ITPK1: variants seen among roughly 807,000 people sequenced by gnomAD.
The protein encoded by ITPK1 is inositol-tetrakisphosphate 1-kinase.
A neutral mutation model predicts 45.3 loss-of-function variants in ITPK1; 21 were observed. The observed-to-expected ratio is 0.46, with a 90% CI of 0.33 to 0.67. The LOEUF (loss-of-function observed/expected upper bound fraction) is 0.67, where lower values mean the gene tolerates loss of function less well. ITPK1 is among the 30% of genes least tolerant of loss of function. ITPK1 has a pLI of 0.02. For synonymous variants in ITPK1, 258 were observed against 253.6 expected (o/e 1.02, Z -0.16); for missense variants, 474 against 573.5 (o/e 0.83, Z 1.77).
chr14:92,965,298 A>G (rs1885285948), intron 5 of ITPK1, among the ~76,000 whole-genome samples: 1 of 152,262 alleles, frequency 6.6e-6, no homozygotes, highest in South Asian at 2.1e-4. Context: ...CAGAAAAAGC[A>G]TTTGAAAAAA....
At chr14:92,991,300 G>A (rs1886777046) in intron 5 of ITPK1, among the ~76,000 whole-genome samples, 1 of 152,112 alleles carries the variant, frequency 6.6e-6, no homozygotes, top group African/African-American at 2.4e-5. Flanking sequence ...ACAGCCACTG[G>A]GGGTCAGGAA....
intron 5 of ITPK1, among the ~76,000 whole-genome samples, chr14:92,991,637 C>T (rs550832748): frequency 3.4e-4 from 51 of 152,238 alleles, no homozygotes; most frequent in Non-Finnish European, 6.5e-4. Flanking sequence ...CAATTCCAAG[C>T]CAGGCGAGCG....
chr14:92,971,520 C>T (rs555456485), intron 5 of ITPK1, among the ~76,000 whole-genome samples: 13 of 152,354 alleles, frequency 8.5e-5, no homozygotes, highest in African/African-American at 2.6e-4. Context: ...CTATTGTCGT[C>T]ATCACCTGGA....
intron 2 of ITPK1, among the ~76,000 whole-genome samples, chr14:93,080,090 T>G (rs939389885): frequency 6.6e-6 from 1 of 152,202 alleles, no homozygotes; most frequent in East Asian, 1.9e-4. Context: ...AAGGCCTCCA[T>G]GCACCCACGA....
In ITPK1 at chr14:93,076,559, T is replaced by C. The variant is rs772345911; in HGVS notation, c.120+36A>G. ...GAGAGGTGGGCACCAAGGGCCCCAC[T>C]ACCCAAAGAACCACGGGGACGCGGT... On this transcript the variant is annotated intron_variant, in intron 3 of 10. Coordinates refer to ENST00000267615, the MANE Select transcript of ITPK1 (RefSeq NM_014216.6). The surrounding 1 kb of genome is among the most constrained non-coding windows in gnomAD (Gnocchi z 4.3). The C allele has an allele frequency of 6.8e-6, 11 of 1,613,362 alleles. No homozygotes were observed. Among genetic ancestry groups the C allele is most frequent in the Non-Finnish European group, 9.3e-6 (11 of 1,179,442 alleles).
chr14:93,089,203 C>T (rs1171265644), intron 2 of ITPK1, among the ~76,000 whole-genome samples: 1 of 152,178 alleles, frequency 6.6e-6, no homozygotes, highest in Non-Finnish European at 1.5e-5. Context: ...AGGAGCAGCC[C>T]CTGAGCAGGC....
intron 3 of ITPK1, among the ~76,000 whole-genome samples, chr14:93,052,528 G>A (rs1327841864): frequency 6.6e-6 from 1 of 152,142 alleles, no homozygotes; most frequent in Admixed American, 6.5e-5. Flanking sequence ...TTACCCTGGG[G>A]GCCTTATCTG....
chr14:93,018,885 T>C (rs1478468650), intron 3 of ITPK1, among the ~76,000 whole-genome samples: 1 of 152,146 alleles, frequency 6.6e-6, no homozygotes, highest in Non-Finnish European at 1.5e-5. Flanking sequence ...CATGTGTCAG[T>C]CTCCATGAGC....
At position 93,034,167 on chromosome 14, in the gene ITPK1, TC is replaced by T. The variant is rs1889202968; in HGVS notation, c.121-17367del. 7.3e-6 allele frequency among the ~76,000 whole-genome samples: 1 copy of T among 137,406 alleles called. No homozygotes were observed. Among genetic ancestry groups the T allele is most frequent in the African/African-American group, 2.8e-5 (1 of 36,164 alleles). The allele number at this position is 137,406 out of a possible 152,430, so 90.1% of individuals were successfully genotyped here. ...CCCGACACCTTCCTCCCAGGTGCCCTCCCCCACATCCTGCCCCCAGCACACT... is the reference window on the plus strand; with the variant it reads ...CCCGACACCTTCCTCCCAGGTGCCCTCCCCACATCCTGCCCCCAGCACACT... On this transcript the variant is annotated intron_variant, in intron 3 of 10. Transcript: ENST00000267615. The surrounding 1 kb of genome is among the most constrained non-coding windows in gnomAD (Gnocchi z 4.1).
chr14:92,977,429 C>T (rs948273543), intron 5 of ITPK1, among the ~76,000 whole-genome samples: 10 of 152,226 alleles, frequency 6.6e-5, no homozygotes, highest in African/African-American at 2.2e-4. Flanking sequence ...GCCTTCTCGT[C>T]CATCTACCTA....
At chr14:92,971,985 C>T (rs1002035815) in intron 5 of ITPK1, among the ~76,000 whole-genome samples, 2 of 152,174 alleles carry the variant, frequency 1.3e-5, no homozygotes, top group African/African-American at 4.8e-5. Context: ...AGCACCGCGA[C>T]CTCTTCCCAG....
rs542191904 is a variant in ITPK1, at chr14:93,003,482, C to G, written c.247-9485G>C. Among the ~76,000 whole-genome samples the G allele has an allele frequency of 5.9e-5, 9 of 152,316 alleles. No homozygotes were observed. In the South Asian group the frequency reaches 1.9e-3, roughly 32 times the overall value. On this transcript the variant is annotated intron_variant, in intron 4 of 10. Transcript: ENST00000267615. ...TAGTCCTGGGAAATCCACACTAGGC[C>G]TAGGTGCAACAGAATGTGCCAGGTG... is the stretch of plus-strand genomic sequence containing the variant.
At chr14:92,943,979 A>T (rs759116112) in intron 10 of ITPK1, among the ~76,000 whole-genome samples, 2 of 152,230 alleles carry the variant, frequency 1.3e-5, no homozygotes, top group Non-Finnish European at 2.9e-5. Context: ...GACTTTGGAC[A>T]AGCCACTCAA....
At chr14:93,020,705 T>G (rs1888421994) in intron 3 of ITPK1, among the ~76,000 whole-genome samples, 1 of 152,182 alleles carries the variant, frequency 6.6e-6, no homozygotes, top group African/African-American at 2.4e-5. Flanking sequence ...ATATAATCTT[T>G]CTGACCCAAT....
In ITPK1 at chr14:92,994,048, C is replaced by T. The variant is rs1032091748; in HGVS notation, c.247-51G>A. 4 of 1,179,242 alleles carry T rather than the reference C, an allele frequency of 3.4e-6. No homozygotes were observed. In the South Asian group the frequency reaches 4.9e-5, roughly 14 times the overall value. The allele number at this position is 1,179,242 out of a possible 1,614,324, so 73.0% of individuals were successfully genotyped here. A position where few individuals can be genotyped will look rare whatever the true frequency, so the allele number is the denominator to read the frequency against. On this transcript the variant is annotated intron_variant, in intron 4 of 10. Coordinates refer to ENST00000267615, the MANE Select transcript of ITPK1 (RefSeq NM_014216.6). The stretch of plus-strand genomic sequence containing the variant: ...TTAGAGCAGGGGTAGGGCCAGGTAG[C>T]AACTCACCCCTCGCGCCCTCTGCAC...
At chr14:93,080,435 C>T (rs770245121) in intron 2 of ITPK1, among the ~76,000 whole-genome samples, 2 of 152,176 alleles carry the variant, frequency 1.3e-5, no homozygotes, top group East Asian at 3.8e-4. Context: ...ACGAAGCAAT[C>T]GATCAATGGA....
chr14:93,009,142 G>A (rs1423360702), intron 4 of ITPK1, among the ~76,000 whole-genome samples: 1 of 152,174 alleles, frequency 6.6e-6, no homozygotes, highest in Non-Finnish European at 1.5e-5. Flanking sequence ...TAAGCACCCT[G>A]TATTGCCTGG....
intron 3 of ITPK1, among the ~76,000 whole-genome samples, chr14:93,042,215 G>A (rs1190664729): frequency 1.3e-5 from 2 of 152,186 alleles, no homozygotes; most frequent in Non-Finnish European, 2.9e-5. Flanking sequence ...TCTGACACAG[G>A]TACAGCAAAC....
intron 2 of ITPK1, among the ~76,000 whole-genome samples, chr14:93,097,058 G>A (rs568201815): frequency 3.3e-5 from 5 of 152,136 alleles, no homozygotes; most frequent in Non-Finnish European, 5.9e-5. Flanking sequence ...TTATGAACCC[G>A]ACTTCTCCGC....
Sources: allele counts gnomAD v4.1 joint callset (sites outside exome capture counted in the v4.1 genomes callset), GRCh38; gene constraint gnomAD v4.1.1; non-coding constraint Gnocchi (gnomAD v3.1); transcripts MANE v1.5; gene names NCBI Gene and HGNC (gene_info 2026-07-23, HGNC 2026-07-21).